The following DRC8 variants were observed in gnomAD, a reference collection of about 807,000 sequenced individuals.
DRC8 encodes dynein regulatory complex protein 8.
chr1:245,006,229 T>C, the DRC8 span, among the ~76,000 whole-genome samples: 2 of 152,130 alleles, frequency 1.3e-5, no homozygotes, highest in African/African-American at 4.8e-5. Context: ...ATGGGTGGAA[T>C]GGGAAGTGAG....
the DRC8 span, among the ~76,000 whole-genome samples, chr1:244,989,589 T>C: frequency 6.6e-6 from 1 of 152,158 alleles, no homozygotes; most frequent in Admixed American, 6.5e-5. Flanking sequence ...TCACTGTTGA[T>C]GTTAGCCTCG....
the DRC8 span, among the ~76,000 whole-genome samples, chr1:245,086,459 A>G: frequency 6.6e-6 from 1 of 152,224 alleles, no homozygotes; most frequent in African/African-American, 2.4e-5. Context: ...CCTAATATCC[A>G]CAAAGTATCA....
the DRC8 span, among the ~76,000 whole-genome samples, chr1:245,067,576 T>C: frequency 6.6e-6 from 1 of 152,158 alleles, no homozygotes; most frequent in Non-Finnish European, 1.5e-5. Flanking sequence ...GCCCCGGAGG[T>C]CCCAAATCTC....
the DRC8 span, among the ~76,000 whole-genome samples, chr1:245,026,444 G>A: frequency 6.6e-6 from 1 of 152,200 alleles, no homozygotes; most frequent in African/African-American, 2.4e-5. Context: ...CGCAATTCAT[G>A]TTTATCAGGT....
At chr1:245,118,215 C>T in the DRC8 span, among the ~76,000 whole-genome samples, 1 of 151,974 alleles carries the variant, frequency 6.6e-6, no homozygotes, top group Non-Finnish European at 1.5e-5. Context: ...TAGAGCAAAC[C>T]CTGGCCCTAG....
the DRC8 span, among the ~76,000 whole-genome samples, chr1:245,059,966 G>T: frequency 6.6e-6 from 1 of 152,162 alleles, no homozygotes; most frequent in African/African-American, 2.4e-5. Flanking sequence ...CCCACGATGA[G>T]AGTGCTTCAT....
At chr1:244,970,219 C>A in the DRC8 span, 7 of 762,200 alleles carry the variant, frequency 9.2e-6, no homozygotes, top group Non-Finnish European at 1.6e-5. Flanking sequence ...TCCCCCAGCG[C>A]GAGGGTCGTG....
chr1:245,101,847 C>T, the DRC8 span, among the ~76,000 whole-genome samples: 1 of 152,010 alleles, frequency 6.6e-6, no homozygotes, highest in East Asian at 1.9e-4. Context: ...CACAGTATCC[C>T]ATTTTTGAAC....
chr1:245,049,881 GA>G, the DRC8 span, among the ~76,000 whole-genome samples: 1 of 152,194 alleles, frequency 6.6e-6, no homozygotes, highest in Non-Finnish European at 1.5e-5. The surrounding 1 kb of genome is among the most constrained non-coding windows in gnomAD (Gnocchi z 4.5). Flanking sequence ...GTGATCTTGG[GA>G]AAATGTCTTA....
the DRC8 span, among the ~76,000 whole-genome samples, chr1:245,084,462 T>C: frequency 6.6e-6 from 1 of 152,198 alleles, no homozygotes; most frequent in Non-Finnish European, 1.5e-5. Context: ...TTAATGTTAA[T>C]TGAACCATAT....
At chr1:245,117,680 T>C in the DRC8 span, among the ~76,000 whole-genome samples, 2 of 152,060 alleles carry the variant, frequency 1.3e-5, no homozygotes, top group East Asian at 1.9e-4. Context: ...GTTTTAAATA[T>C]GCTTCAGGGC....
the DRC8 span, among the ~76,000 whole-genome samples, chr1:245,118,581 C>T: frequency 6.6e-6 from 1 of 152,022 alleles, no homozygotes; most frequent in African/African-American, 2.4e-5. Flanking sequence ...TGCCTAAGGT[C>T]GGGAGTACGA....
the DRC8 span, among the ~76,000 whole-genome samples, chr1:245,120,725 T>TA: frequency 6.6e-6 from 1 of 152,264 alleles, no homozygotes; most frequent in African/African-American, 2.4e-5. Flanking sequence ...CCATTTTAGA[T>TA]ACAGAGACAC....
At chr1:244,980,083 G>T in the DRC8 span, among the ~76,000 whole-genome samples, 4 of 126,260 alleles carry the variant, frequency 3.2e-5, no homozygotes, top group African/African-American at 1.1e-4. Context: ...GCTGGGCGTG[G>T]TGGCAGGTGC....
chr1:245,058,337 C>T, the DRC8 span, among the ~76,000 whole-genome samples: 5 of 152,064 alleles, frequency 3.3e-5, no homozygotes, highest in East Asian at 3.9e-4. Flanking sequence ...GAGGATAGTA[C>T]ATGTTTTGTT....
At chr1:245,048,986 CTTTTT>C in the DRC8 span, among the ~76,000 whole-genome samples, 2 of 137,868 alleles carry the variant, frequency 1.5e-5, no homozygotes, top group Admixed American at 7.2e-5. Flanking sequence ...TTTTTCTTTT[CTTTTT>C]TTTTTTTTTT....
chr1:245,024,812 G>T, the DRC8 span, among the ~76,000 whole-genome samples: 1 of 151,984 alleles, frequency 6.6e-6, no homozygotes, highest in Non-Finnish European at 1.5e-5. Flanking sequence ...CCAAAGTGCT[G>T]GGATTACAGA....
chr1:244,995,361 C>CAA, the DRC8 span, among the ~76,000 whole-genome samples: 1,130 of 139,082 alleles, frequency 8.1e-3, 10 homozygotes, highest in African/African-American at 0.028. Context: ...GACTCCATCT[C>CAA]AAAAAAAAAA....
the DRC8 span, among the ~76,000 whole-genome samples, chr1:244,999,612 A>T: frequency 6.6e-6 from 1 of 152,182 alleles, no homozygotes; most frequent in Admixed American, 6.5e-5. Flanking sequence ...TTTATTATTT[A>T]GTGGGAAAAA....
Sources: gnomAD v4.1 joint callset for allele counts (sites outside exome capture counted in the v4.1 genomes callset) on GRCh38, gnomAD v4.1.1 for gene constraint, Gnocchi (gnomAD v3.1) non-coding constraint, MANE v1.5 for transcripts, NCBI Gene and HGNC (gene_info 2026-07-23, HGNC 2026-07-21) for gene names.